The following PHF23 variants were observed in gnomAD, a reference collection of about 807,000 sequenced individuals.
The protein encoded by PHF23 is PHD finger protein 23.
Under a neutral mutation model 36.0 loss-of-function variants are expected in PHF23, and 3 were observed. The observed-to-expected ratio is 0.08, with a 90% confidence interval of 0.04 to 0.22. The LOEUF (loss-of-function observed/expected upper bound fraction) is 0.22. Ranked by LOEUF, PHF23 falls within the 10% of genes least tolerant of loss-of-function variation. The pLI is 1.00. For synonymous variants in PHF23, 242 were observed against 192.5 expected (o/e 1.26, Z -2.13); for missense variants, 475 against 513.6 (o/e 0.92, Z 0.73).
chr17:7,237,732 T>A (rs201868137), intron 1 of PHF23, 72 bp from the exon 2 acceptor site: 16 of 1,550,134 alleles, frequency 1.0e-5, no homozygotes, highest in Non-Finnish European at 1.3e-5. Flanking sequence ...TAAACCCCGT[T>A]GTTCCTAAGT....
intron 3 of PHF23, 36 bp downstream of exon 3, chr17:7,237,349 A>G: frequency 1.9e-6 from 3 of 1,543,262 alleles, no homozygotes; most frequent in Non-Finnish European, 2.7e-6. Flanking sequence ...TAGTCCCACC[A>G]CACCAGCCTC....
In PHF23 at chr17:7,235,550, G is replaced by A. The variant is rs2071639261; in HGVS notation, c.*76C>T. On this transcript the variant is annotated 3_prime_UTR_variant, in exon 5 of 5. Transcript: ENST00000320316. ...GTGCAGACAGTATCCAAGCTCCAGGGGATAGGCTGAGGACCCTGAGGCTCA... is the reference window on the plus strand; with the variant it reads ...GTGCAGACAGTATCCAAGCTCCAGGAGATAGGCTGAGGACCCTGAGGCTCA... The A allele has an allele frequency of 2.1e-6, 3 of 1,459,104 alleles. No individual in the cohort carries two copies. Among genetic ancestry groups the A allele is most frequent in the Admixed American group, 1.7e-5 (1 of 58,888 alleles). The allele number at this position is 1,459,104 out of a possible 1,614,324, so 90.4% of individuals were successfully genotyped here.
At chr17:7,237,912 C>T in intron 1 of PHF23, 1 of 540,100 alleles carries the variant, frequency 1.9e-6, no homozygotes, top group East Asian at 3.2e-5. Flanking sequence ...GCGCCCCGCC[C>T]CCCCAACTCA....
At position 7,236,801 on chromosome 17, in the gene PHF23, C is replaced by T; in HGVS notation, c.160-34G>A. ...GGGGAAGAGACCAGGGTCAGCAGAA[C>T]CCCAGTGTCATCTCAGCCCCTCCAC... On this transcript the variant is annotated intron_variant, in intron 3 of 4. Coordinates refer to ENST00000320316, the MANE Select transcript of PHF23 (RefSeq NM_024297.3). This position sits in a 1 kb window ranked among gnomAD's most constrained non-coding sequence, Gnocchi z 5.1. 1.9e-6 allele frequency: 3 copies of T among 1,571,508 alleles called. No individual in the cohort carries two copies. Among genetic ancestry groups the T allele is most frequent in the Non-Finnish European group, 2.6e-6 (3 of 1,161,092 alleles).
Position 7,235,919 on chromosome 17 carries a change from G to A in PHF23, c.997+11C>T, listed in dbSNP as rs222851. The A allele has an allele frequency of 0.41, 654,774 of 1,610,124 alleles. 137,148 individuals carry two copies. Among genetic ancestry groups the A allele is most frequent in the East Asian group, 0.65 (29,081 of 44,784 alleles). The stretch of plus-strand genomic sequence containing the variant: ...ACCCTCAAACCCCTCGCCCCAGCCC[G>A]AACCTCTCACCTGATTCTACCATGA... On this transcript the variant is annotated intron_variant, in intron 4 of 4. Transcript: ENST00000320316.
chr17:7,238,515 T>A (rs1852112421), intron 1 of PHF23: 2 of 806,606 alleles, frequency 2.5e-6, no homozygotes, highest in South Asian at 5.2e-5. Flanking sequence ...CCAGCCACTC[T>A]CTCTCTCTCT....
At chr17:7,240,731 TAAG>T (rs1173162655), upstream of PHF23, 12 of 701,182 alleles carry the variant, frequency 1.7e-5, no homozygotes, top group Non-Finnish European at 3.1e-5. Flanking sequence ...CCACAAACAT[TAAG>T]AAGTGCCGGT....
chr17:7,237,597 C>T, intron 2 of PHF23, 32 bp downstream of exon 2: 1 of 1,613,764 alleles, frequency 6.2e-7, no homozygotes. Context: ...TCAGGCAGGG[C>T]TACTAGGCTG....
intron 1 of PHF23, 114 bp downstream of exon 1, chr17:7,239,132 C>T: frequency 9.8e-7 from 1 of 1,021,750 alleles, no homozygotes; most frequent in Non-Finnish European, 1.5e-6. Flanking sequence ...GCCAGCCTCC[C>T]GACCCCCTCC....
Position 7,237,664 on chromosome 17 carries a change from G to C in PHF23, c.35-4C>G. The C allele has an allele frequency of 2.5e-6, 4 of 1,613,788 alleles. No individual in the cohort carries two copies. Among genetic ancestry groups the C allele is most frequent in the Non-Finnish European group, 3.4e-6 (4 of 1,179,866 alleles). On this transcript the variant is annotated splice_region_variant and splice_polypyrimidine_tract_variant and intron_variant, in intron 1 of 4. Coordinates refer to ENST00000320316, the MANE Select transcript of PHF23 (RefSeq NM_024297.3). ...GGCTTAAGGGTCGGAGGTGGATCTG[G>C]AAAAGCAATAAAAGCTGAGTCAAGA...
At chr17:7,239,528 T>G, upstream of PHF23, 1 of 378,852 alleles carries the variant, frequency 2.6e-6, no homozygotes, top group Non-Finnish European at 4.9e-6. Flanking sequence ...ACCTCCTCTC[T>G]CCTCCCTCCC....
Position 7,235,228 on chromosome 17 carries a change from G to A in PHF23, c.*398C>T. The A allele has an allele frequency of 4.3e-6, 1 of 230,476 alleles. No homozygotes were observed. Among genetic ancestry groups the A allele is most frequent in the Non-Finnish European group, 8.8e-6 (1 of 113,508 alleles). The allele number at this position is 230,476 out of a possible 1,614,324, so 14.3% of individuals were successfully genotyped here. A position where few individuals can be genotyped will look rare whatever the true frequency, so the allele number is the denominator to read the frequency against. On this transcript the variant is annotated 3_prime_UTR_variant, in exon 5 of 5. Coordinates refer to ENST00000320316, the MANE Select transcript of PHF23 (RefSeq NM_024297.3). ...GAAGTCCAAAATTAAAAATACAACC[G>A]GTGTAGAAGAAAATAAATGGGGAGT...
At chr17:7,237,909 GC>G (rs926765839) in intron 1 of PHF23, 12 of 436,928 alleles carry the variant, frequency 2.7e-5, no homozygotes, top group Middle Eastern at 5.9e-4. Flanking sequence ...CCGGCGCCCC[GC>G]CCCCCCAACT....
intron 1 of PHF23, 67 bp from the exon 2 acceptor site, chr17:7,237,727 C>T (rs376397487): frequency 8.3e-6 from 13 of 1,573,712 alleles, no homozygotes; most frequent in Non-Finnish European, 1.0e-5. Context: ...CCCTCTAAAC[C>T]CCGTTGTTCC....
At position 7,236,115 on chromosome 17, in the gene PHF23, G is replaced by A. The variant is rs989791128; in HGVS notation, c.812C>T (p.Pro271Leu). ...EMATVVGGEA[P>L]VPVLPTPPEA... ...AGGGGGTGTTGGCAGCACAGGGACT[G>A]GGGCTTCACCCCCTACCACTGTTGC... Residue 271 changes from proline to leucine, a missense_variant, in exon 4 of 5, where the codon CCA becomes CTA. Around this residue, in one of 5 missense-constraint regions of PHF23, gnomAD observed 350 missense variants for 319.8 expected, o/e 1.09. Coordinates refer to ENST00000320316, the MANE Select transcript of PHF23 (RefSeq NM_024297.3). The surrounding 1 kb of genome is among the most constrained non-coding windows in gnomAD (Gnocchi z 5.1). 1.9e-6 allele frequency: 3 copies of A among 1,611,882 alleles called. No homozygotes were observed. Among genetic ancestry groups the A allele is most frequent in the South Asian group, 1.1e-5 (1 of 90,786 alleles).
rs1461146853 is a variant in PHF23 at position 7,236,077 on chromosome 17, G to A, written c.850C>T (p.Pro284Ser). The change falls in exon 4 of 5, where the codon CCC becomes TCC. Residue 284 changes from proline (P) to serine (S), a missense_variant. Physicochemically the swap from Pro to Ser is moderately conservative, Grantham distance 74 (BLOSUM62 -1). This residue lies in a region of PHF23 where 350 missense variants were observed against 319.8 expected (regional missense o/e 1.09). Coordinates refer to ENST00000320316, the MANE Select transcript of PHF23 (RefSeq NM_024297.3). This position sits in a 1 kb window ranked among gnomAD's most constrained non-coding sequence, Gnocchi z 5.1. ...CCTTCAGGGTGCACTGTGGCAGGGG[G>A]CCTAGGAGCCTCAGGGGGTGTTGGC... ...VLPTPPEAPR[P>S]PATVHPEGVP... is the part of the protein sequence containing the mutation. 9.9e-6 allele frequency: 16 copies of A among 1,613,638 alleles called. No homozygotes were observed. Among genetic ancestry groups the A allele is most frequent in the Non-Finnish European group, 1.3e-5 (15 of 1,179,834 alleles).
rs1309313535 is a variant in PHF23 at position 7,239,340 on chromosome 17, G to T, written c.-61C>A. 2.4e-6 allele frequency: 2 copies of T among 824,734 alleles called. No individual in the cohort carries two copies. The highest frequency in any genetic ancestry group is 5.4e-5 in the East Asian group (2 of 36,910). The allele number at this position is 824,734 out of a possible 1,614,324, so 51.1% of individuals were successfully genotyped here. A position where few individuals can be genotyped will look rare whatever the true frequency, so the allele number is the denominator to read the frequency against. Reference sequence around the variant, plus strand: ...CCCCGGAGCCGGGGATCCCGGTGCCGCCTCTAGTGCTCGATGCTCCCACTG... The same window carrying T: ...CCCCGGAGCCGGGGATCCCGGTGCCTCCTCTAGTGCTCGATGCTCCCACTG... On this transcript the variant is annotated 5_prime_UTR_variant, in exon 1 of 5. Transcript: ENST00000320316.
At chr17:7,239,034 C>G (rs2071740778) in intron 1 of PHF23, 1 of 1,396,520 alleles carries the variant, frequency 7.2e-7, no homozygotes, top group Non-Finnish European at 9.5e-7. Flanking sequence ...CCCGCACCCC[C>G]ACACCGTCTG....
Position 7,236,076 on chromosome 17 carries a change from G to T in PHF23, c.851C>A (p.Pro284His). 1 of 1,613,800 alleles carries T rather than the reference G, an allele frequency of 6.2e-7. No individual in the cohort carries two copies. The highest frequency in any genetic ancestry group is 8.5e-7 in the Non-Finnish European group (1 of 1,179,854). ...TCCTTCAGGGTGCACTGTGGCAGGG[G>T]GCCTAGGAGCCTCAGGGGGTGTTGG... ...VLPTPPEAPRPPATVHPEGVP... is the reference protein window; with the variant it reads ...VLPTPPEAPRHPATVHPEGVP... Residue 284 changes from proline (P) to histidine (H), a missense_variant, in exon 4 of 5, where the codon CCC becomes CAC. Physicochemically the swap from Pro to His is moderately conservative, Grantham distance 77. Transcript: ENST00000320316. This position sits in a 1 kb window ranked among gnomAD's most constrained non-coding sequence, Gnocchi z 5.1.
Sources: allele counts gnomAD v4.1 joint callset, GRCh38; gene constraint gnomAD v4.1.1; regional missense constraint gnomAD v4.1.1; non-coding constraint Gnocchi (gnomAD v3.1); transcripts MANE v1.5; gene names NCBI Gene and HGNC (gene_info 2026-07-23, HGNC 2026-07-21).